Variants in PIK3C2G observed in about 807,000 individuals in gnomAD.
PIK3C2G encodes the protein phosphatidylinositol-4-phosphate 3-kinase catalytic subunit type 2 gamma.
In PIK3C2G, 168 loss-of-function variants were observed where a neutral mutation model predicts 181.1. The observed-to-expected ratio is 0.93, with a 90% CI of 0.82 to 1.05. The LOEUF (loss-of-function observed/expected upper bound fraction) is 1.05. Ranked by LOEUF, PIK3C2G falls within the 50% of genes least tolerant of loss-of-function variation. The pLI is 0.00. For missense variants in PIK3C2G, 1,869 were observed against 1,732.8 expected (o/e 1.08, Z -1.40); for synonymous variants, 573 against 592.2 (o/e 0.97, Z 0.47).
At chr12:18,357,886 T>C (rs1940890902) in intron 11 of PIK3C2G, among the ~76,000 whole-genome samples, 2 of 152,236 alleles carry the variant, frequency 1.3e-5, no homozygotes, top group Admixed American at 1.3e-4. Flanking sequence ...TAATTTAGCA[T>C]AATGTCCTTA....
intron 5 of PIK3C2G, among the ~76,000 whole-genome samples, chr12:18,311,483 TC>T (rs1162290113): frequency 4.0e-5 from 6 of 151,534 alleles, no homozygotes; most frequent in Non-Finnish European, 5.9e-5. Context: ...TATATCTCTA[TC>T]TATATAGATA....
At position 18,626,658 on chromosome 12, in the gene PIK3C2G, T is replaced by C. The variant is rs188225840; in HGVS notation, c.4183-13771T>C. Reference sequence around the variant, plus strand: ...AAAGTTTTTATTTCTTCCTTATTTTTGAAAGACAGATTTTCTGGGTAAAAT... The same window carrying C: ...AAAGTTTTTATTTCTTCCTTATTTTCGAAAGACAGATTTTCTGGGTAAAAT... On this transcript the variant is annotated intron_variant, in intron 31 of 32. Transcript: ENST00000538779. 3.6e-3 allele frequency among the ~76,000 whole-genome samples: 555 copies of C among 152,176 alleles called. 2 individuals are homozygous for C. Among genetic ancestry groups the C allele is most frequent in the Non-Finnish European group, 6.0e-3 (411 of 67,954 alleles).
chr12:18,335,458 AGT>A (rs142557829), intron 8 of PIK3C2G, among the ~76,000 whole-genome samples: 5 of 150,692 alleles, frequency 3.3e-5, no homozygotes, highest in East Asian at 2.0e-4. Flanking sequence ...ACATGTGGGG[AGT>A]GTGTGTGTGT....
chr12:18,432,501 C>T (rs1462806188), intron 18 of PIK3C2G, among the ~76,000 whole-genome samples: 2 of 152,108 alleles, frequency 1.3e-5, no homozygotes, highest in African/African-American at 4.8e-5. Flanking sequence ...TAATGTTAGT[C>T]CCCCACTGTC....
At chr12:18,514,531 T>A (rs1311839803) in intron 24 of PIK3C2G, among the ~76,000 whole-genome samples, 2 of 151,986 alleles carry the variant, frequency 1.3e-5, no homozygotes, top group Admixed American at 6.6e-5. Context: ...CTTTTTGATG[T>A]CTTTTTCAGG....
At chr12:18,683,532 C>G in the PIK3C2G span, 1 of 1,511,730 alleles carries the variant, frequency 6.6e-7, no homozygotes, top group East Asian at 2.6e-5. Context: ...AAACTGAATA[C>G]ACAGCTCATA....
At chr12:18,453,428 T>C (rs1296815930) in intron 18 of PIK3C2G, among the ~76,000 whole-genome samples, 1 of 152,178 alleles carries the variant, frequency 6.6e-6, no homozygotes. Context: ...CCTCCCTTTA[T>C]TTTGTATGCA....
chr12:18,682,274 C>A, the PIK3C2G span, among the ~76,000 whole-genome samples: 1 of 151,974 alleles, frequency 6.6e-6, no homozygotes, highest in Non-Finnish European at 1.5e-5. Context: ...GTTATATTTT[C>A]TGGTCATAAA....
intron 24 of PIK3C2G, among the ~76,000 whole-genome samples, chr12:18,519,203 CT>C (rs1942751197): frequency 6.6e-6 from 1 of 152,148 alleles, no homozygotes; most frequent in African/African-American, 2.4e-5. Flanking sequence ...AATGTGTATC[CT>C]GTTGATCTGG....
At chr12:18,609,485 G>C (rs1948223970) in intron 30 of PIK3C2G, 50 bp from the exon 31 acceptor site, 2 of 1,036,776 alleles carry the variant, frequency 1.9e-6, no homozygotes, top group South Asian at 2.8e-5. Flanking sequence ...GATTGTTCCT[G>C]TGCTGAGCTT....
In PIK3C2G at chr12:18,640,511, C is replaced by A; in HGVS notation, c.4265C>A (p.Thr1422Lys). The change falls in exon 32 of 33, where the codon ACA becomes AAA. Residue 1422 changes from threonine to lysine, a missense_variant. Physicochemically the swap from Thr to Lys is moderately conservative, Grantham distance 78. Coordinates refer to ENST00000538779, the MANE Select transcript of PIK3C2G (RefSeq NM_001288772.2). ...PYPSEVRRRK[T>K]KSVPKCTDPT... ...CCCAGTGAAGTTCGTAGGAGGAAAA[C>A]AAAATCTGTTCCAAAATGTACGGAC... 1.9e-6 allele frequency: 3 copies of A among 1,605,026 alleles called. No homozygotes were observed. Among genetic ancestry groups the A allele is most frequent in the Non-Finnish European group, 2.6e-6 (3 of 1,174,710 alleles).
intron 29 of PIK3C2G, among the ~76,000 whole-genome samples, chr12:18,575,356 C>T (rs1033908182): frequency 6.6e-6 from 1 of 152,122 alleles, no homozygotes; most frequent in African/African-American, 2.4e-5. Flanking sequence ...TTTAACAAGT[C>T]CTCCAGAAGA....
chr12:18,254,551 A>G (rs1948124830), intron 1 of PIK3C2G, among the ~76,000 whole-genome samples: 1 of 152,038 alleles, frequency 6.6e-6, no homozygotes, highest in Non-Finnish European at 1.5e-5. Context: ...GCACCTAAAA[A>G]TAGTCAGTTT....
chr12:18,528,093 A>G (rs1943343514), intron 24 of PIK3C2G, among the ~76,000 whole-genome samples: 1 of 152,166 alleles, frequency 6.6e-6, no homozygotes, highest in African/African-American at 2.4e-5. Context: ...TGTTCTCATC[A>G]TATTGTACAT....
chr12:18,645,581 T>C (rs989421836), intron 32 of PIK3C2G, among the ~76,000 whole-genome samples: 6 of 152,170 alleles, frequency 3.9e-5, no homozygotes, highest in Non-Finnish European at 7.4e-5. Flanking sequence ...CTCCAGTCAA[T>C]TGATGCAAAA....
chr12:18,560,705 A>G (rs981617492), intron 26 of PIK3C2G, among the ~76,000 whole-genome samples: 2 of 152,120 alleles, frequency 1.3e-5, no homozygotes, highest in Non-Finnish European at 2.9e-5. Flanking sequence ...TCAAAACTAA[A>G]TAGCATATTT....
chr12:18,630,928 C>G (rs183827370), intron 31 of PIK3C2G, among the ~76,000 whole-genome samples: 134 of 152,010 alleles, frequency 8.8e-4, no homozygotes, highest in Non-Finnish European at 1.2e-3. Flanking sequence ...ATCTCTAACC[C>G]TAATCATTCT....
At chr12:18,274,861 C>T (rs1948914948) in intron 1 of PIK3C2G, among the ~76,000 whole-genome samples, 1 of 152,116 alleles carries the variant, frequency 6.6e-6, no homozygotes, top group Non-Finnish European at 1.5e-5. Context: ...TAAAGTTGAA[C>T]TACGTATATG....
At chr12:18,651,370 C>T (rs1657439889), downstream of PIK3C2G, among the ~76,000 whole-genome samples, 1 of 152,190 alleles carries the variant, frequency 6.6e-6, no homozygotes, top group Admixed American at 6.5e-5. Context: ...CACACCAGAT[C>T]TTTCCTACTC....
Sources: gnomAD v4.1 joint callset for allele counts (sites outside exome capture counted in the v4.1 genomes callset) on GRCh38, gnomAD v4.1.1 for gene constraint, MANE v1.5 for transcripts, NCBI Gene and HGNC (gene_info 2026-07-23, HGNC 2026-07-21) for gene names.